The following BAZ2B variants were observed in gnomAD, a reference collection of about 807,000 sequenced individuals.
BAZ2B encodes the protein bromodomain adjacent to zinc finger domain 2B.
BAZ2B carries 91 observed loss-of-function variants against 246.0 expected under a neutral mutation model. The observed-to-expected ratio is 0.37, with a 90% CI of 0.31 to 0.44. The LOEUF is 0.44. BAZ2B is among the 20% of genes least tolerant of loss of function. BAZ2B has a pLI of 1.00. For synonymous variants in BAZ2B, 855 were observed against 860.0 expected (o/e 0.99, Z 0.10); for missense variants, 2,332 against 2,533.7 (o/e 0.92, Z 1.71).
intron 1 of BAZ2B, among the ~76,000 whole-genome samples, chr2:159,592,594 T>C (rs966580458): frequency 2.6e-5 from 4 of 152,180 alleles, no homozygotes; most frequent in African/African-American, 9.6e-5. Context: ...CTCACTTTGG[T>C]GGAAGCAAGC....
chr2:159,670,009 C>T, the BAZ2B span, among the ~76,000 whole-genome samples: 5 of 151,978 alleles, frequency 3.3e-5, no homozygotes, highest in African/African-American at 4.8e-5. Context: ...CTTGCTCTGT[C>T]GCCCAGGCTG....
chr2:159,568,666 T>A (rs1683212713), intron 1 of BAZ2B, among the ~76,000 whole-genome samples: 1 of 152,204 alleles, frequency 6.6e-6, no homozygotes, highest in Non-Finnish European at 1.5e-5. Context: ...CCTGAATTAC[T>A]CTGGACTGAA....
At chr2:159,631,650 T>C in the BAZ2B span, among the ~76,000 whole-genome samples, 1 of 152,210 alleles carries the variant, frequency 6.6e-6, no homozygotes, top group Non-Finnish European at 1.5e-5. Context: ...ATTTGAATGT[T>C]AACAATAACT....
intron 3 of BAZ2B, among the ~76,000 whole-genome samples, chr2:159,469,946 C>G (rs2077568300): frequency 1.3e-5 from 2 of 152,104 alleles, no homozygotes; most frequent in South Asian, 2.1e-4. Flanking sequence ...TCCAACAAAT[C>G]AACTGCAAGA....
Position 159,511,388 on chromosome 2 carries a change from T to C in BAZ2B, c.-2-32667A>G, listed in dbSNP as rs570636941. ...CCGGCTAATTTTTTTGTATTTTTAG[T>C]AGAGATGGGGTTTCATCATGTTGGC... On this transcript the variant is annotated intron_variant, in intron 2 of 36. Transcript: ENST00000392783. Among the ~76,000 whole-genome samples, 13 of 152,196 alleles carry C rather than the reference T, an allele frequency of 8.5e-5. 1 individual carries two copies. The highest frequency in any genetic ancestry group is 8.5e-4 in the Admixed American group (13 of 15,280).
intron 14 of BAZ2B, chr2:159,412,085 G>T: frequency 2.0e-6 from 1 of 494,942 alleles, no homozygotes; most frequent in Non-Finnish European, 2.6e-6. Context: ...AGCCTTAAAA[G>T]CTTAACACCC....
intron 2 of BAZ2B, among the ~76,000 whole-genome samples, chr2:159,485,296 G>C (rs891185778): frequency 2.0e-5 from 3 of 152,064 alleles, no homozygotes; most frequent in African/African-American, 7.2e-5. Context: ...TTCAGAAATA[G>C]GGGATGTGGC....
At position 159,439,045 on chromosome 2, in the gene BAZ2B, A is replaced by G. The variant is rs779040256; in HGVS notation, c.864T>C (p.Asp288=). Residue 288 remains aspartate (D), a synonymous_variant, in exon 7 of 37, where the codon GAT becomes GAC. Transcript: ENST00000392783. ...SIEESEDDDS[D]SESEAQHKSN... is the part of the protein sequence containing the mutation. The stretch of plus-strand genomic sequence containing the variant: ...TTTTATGTTGTGCTTCACTCTCTGA[A>G]TCAGAATCATCATCTTCACTTTCTT... 6 of 1,613,816 alleles carry G rather than the reference A, an allele frequency of 3.7e-6. No individual in the cohort carries two copies. Among genetic ancestry groups the G allele is most frequent in the Non-Finnish European group, 4.2e-6 (5 of 1,179,950 alleles).
At chr2:159,422,580 T>C (rs1357539302) in intron 13 of BAZ2B, among the ~76,000 whole-genome samples, 1 of 152,090 alleles carries the variant, frequency 6.6e-6, no homozygotes, top group Non-Finnish European at 1.5e-5. Flanking sequence ...TTTCACCATA[T>C]ACAAAAATTA....
At chr2:159,526,531 T>C (rs1359386330) in intron 2 of BAZ2B, among the ~76,000 whole-genome samples, 1 of 152,176 alleles carries the variant, frequency 6.6e-6, no homozygotes. Context: ...ATGAATGACA[T>C]AGAGCTACTT....
chr2:159,528,953 G>A (rs1418886130), intron 2 of BAZ2B, among the ~76,000 whole-genome samples: 1 of 128,200 alleles, frequency 7.8e-6, no homozygotes, highest in African/African-American at 2.9e-5. Flanking sequence ...ACACACCAGG[G>A]CCTGTTGTGG....
chr2:159,591,701 T>C (rs184764051), intron 1 of BAZ2B, among the ~76,000 whole-genome samples: 33 of 152,262 alleles, frequency 2.2e-4, no homozygotes, highest in Non-Finnish European at 3.7e-4. Context: ...CCACTCCTAC[T>C]ATGGGTGGCC....
At chr2:159,358,499 C>T (rs1281105837) in intron 27 of BAZ2B, among the ~76,000 whole-genome samples, 2 of 152,260 alleles carry the variant, frequency 1.3e-5, no homozygotes, top group Non-Finnish European at 2.9e-5. Flanking sequence ...CTTAGACTCC[C>T]ACACAATAAT....
chr2:159,422,394 C>T (rs939865791), intron 13 of BAZ2B, among the ~76,000 whole-genome samples: 4 of 152,134 alleles, frequency 2.6e-5, no homozygotes, highest in Non-Finnish European at 4.4e-5. Flanking sequence ...CAAAAACAGA[C>T]ACACAGACCA....
Position 159,438,685 on chromosome 2 carries a change from T to C in BAZ2B, c.911A>G (p.His304Arg), listed in dbSNP as rs781117664. ...QHKSNNQVLL[H>R]GISDPKADGQ... ...ATCTGCTTTTGGGTCTGAAATACCA[T>C]GTAATAGCACCTAGATATAAAAATG... Residue 304 changes from histidine to arginine, a missense_variant, in exon 8 of 37, where the codon CAT becomes CGT. Coordinates refer to ENST00000392783, the MANE Select transcript of BAZ2B (RefSeq NM_013450.4). 17 of 1,597,710 alleles carry C rather than the reference T, an allele frequency of 1.1e-5. No individual in the cohort carries two copies. The Admixed American group carries it at 2.5e-4, about 23-fold the overall frequency.
At chr2:159,596,961 G>A (rs146415961) in intron 1 of BAZ2B, among the ~76,000 whole-genome samples, 1 of 152,254 alleles carries the variant, frequency 6.6e-6, no homozygotes, top group East Asian at 1.9e-4. Context: ...AGATCTTTAA[G>A]GAATCTCCAC....
rs747203173 is a variant in BAZ2B at position 159,438,671 on chromosome 2, G to C, written c.925C>G (p.Pro309Ala). The change falls in exon 8 of 37, where the codon CCA (proline) becomes GCA (alanine). Residue 309 changes from proline (P) to alanine (A), a missense_variant. This residue lies in a region of BAZ2B where 161 missense variants were observed against 225.8 expected (regional missense o/e 0.71). Coordinates refer to ENST00000392783, the MANE Select transcript of BAZ2B (RefSeq NM_013450.4). The part of the protein sequence containing the change: ...NQVLLHGISD[P>A]KADGQKATEK... Reference sequence around the variant, plus strand: ...GTTGCTTTCTGTCCATCTGCTTTTGGGTCTGAAATACCATGTAATAGCACC... The same window carrying C: ...GTTGCTTTCTGTCCATCTGCTTTTGCGTCTGAAATACCATGTAATAGCACC... The C allele has an allele frequency of 3.1e-6, 5 of 1,608,062 alleles. No individual in the cohort carries two copies. In the Admixed American group the frequency reaches 8.5e-5, roughly 27 times the overall value.
chr2:159,408,841 C>T (rs2066370777), intron 14 of BAZ2B, among the ~76,000 whole-genome samples: 1 of 151,962 alleles, frequency 6.6e-6, no homozygotes, highest in Non-Finnish European at 1.5e-5. Flanking sequence ...AATCGCTGAA[C>T]GCAGGAGGCA....
intron 10 of BAZ2B, among the ~76,000 whole-genome samples, chr2:159,429,649 G>A (rs1204923982): frequency 6.6e-6 from 1 of 152,010 alleles, no homozygotes; most frequent in African/African-American, 2.4e-5. Context: ...TCAACAGCTG[G>A]CTCATATATT....
Sources: allele counts gnomAD v4.1 joint callset (sites outside exome capture counted in the v4.1 genomes callset), GRCh38; gene constraint gnomAD v4.1.1; regional missense constraint gnomAD v4.1.1; transcripts MANE v1.5; gene names NCBI Gene and HGNC (gene_info 2026-07-23, HGNC 2026-07-21).